ROBO1: variants seen among roughly 807,000 people sequenced by gnomAD.
ROBO1 encodes roundabout homolog 1.
In ROBO1, 149 loss-of-function variants were observed where a neutral mutation model predicts 195.9. The ratio of observed to expected loss-of-function variants is 0.76; its 90% CI spans 0.67 to 0.87. The LOEUF is 0.87. Among genes scored for constraint, ROBO1 ranks in the 40% least tolerant of loss-of-function variants. The pLI is 0.00. For missense variants in ROBO1, 1,933 were observed against 2,068.3 expected, an observed-to-expected ratio of 0.93 and a Z score of 1.27; for synonymous variants, 816 against 733.2, an observed-to-expected ratio of 1.11 and a Z score of -1.82.
chr3:79,268,790 G>A (rs770342920), intron 2 of ROBO1, among the ~76,000 whole-genome samples: 34 of 151,738 alleles, frequency 2.2e-4, no homozygotes, highest in Non-Finnish European at 4.0e-4. Context: ...CTTGCAGGAG[G>A]ATTTGGATTG....
At chr3:78,994,125 A>G (rs1304467955) in intron 3 of ROBO1, among the ~76,000 whole-genome samples, 1 of 152,188 alleles carries the variant, frequency 6.6e-6, no homozygotes, top group Non-Finnish European at 1.5e-5. Flanking sequence ...TCTGCCTTTA[A>G]GATCAATATA....
At chr3:79,238,809 T>C (rs2108872950) in intron 2 of ROBO1, among the ~76,000 whole-genome samples, 1 of 152,346 alleles carries the variant, frequency 6.6e-6, no homozygotes, top group South Asian at 2.1e-4. Flanking sequence ...CTCAAAGTTG[T>C]TTCTCTTTCC....
At chr3:78,855,781 A>G (rs190724961) in intron 4 of ROBO1, among the ~76,000 whole-genome samples, 1 of 152,140 alleles carries the variant, frequency 6.6e-6, no homozygotes, top group Non-Finnish European at 1.5e-5. Context: ...AGAAAAAAAA[A>G]TTGCTTTAAA....
intron 2 of ROBO1, among the ~76,000 whole-genome samples, chr3:79,578,503 CT>C (rs1943564197): frequency 6.6e-6 from 1 of 152,082 alleles, no homozygotes; most frequent in Non-Finnish European, 1.5e-5. Context: ...GACAAATCTC[CT>C]GTCTGTATAT....
chr3:79,095,444 A>C (rs775750866), intron 3 of ROBO1, among the ~76,000 whole-genome samples: 1 of 151,974 alleles, frequency 6.6e-6, no homozygotes, highest in Non-Finnish European at 1.5e-5. Flanking sequence ...GTTTCAAAAA[A>C]CTGAGACGAC....
chr3:78,778,558 T>G (rs188629248), intron 4 of ROBO1, among the ~76,000 whole-genome samples: 5 of 152,214 alleles, frequency 3.3e-5, no homozygotes, highest in Admixed American at 3.3e-4. Flanking sequence ...GAATACAACT[T>G]ACAAGGGACA....
At chr3:79,577,108 G>A (rs966188174) in intron 2 of ROBO1, among the ~76,000 whole-genome samples, 1 of 145,408 alleles carries the variant, frequency 6.9e-6, no homozygotes, top group Non-Finnish European at 1.5e-5. Flanking sequence ...ACTGAATTTT[G>A]TGATTACACA....
At chr3:78,717,966 G>A (rs181844205) in intron 5 of ROBO1, 83 bp from the exon 6 acceptor site, 25 of 1,296,698 alleles carry the variant, frequency 1.9e-5, no homozygotes, top group East Asian at 2.4e-5. Flanking sequence ...AGTGAAGACT[G>A]CTTTCTAAGC....
At chr3:78,791,827 A>T (rs1360394314) in intron 4 of ROBO1, among the ~76,000 whole-genome samples, 1 of 152,226 alleles carries the variant, frequency 6.6e-6, no homozygotes, top group African/African-American at 2.4e-5. Context: ...TGTAATTATG[A>T]TAATCATCGA....
At chr3:79,310,069 G>A (rs1182434123) in intron 2 of ROBO1, among the ~76,000 whole-genome samples, 1 of 152,052 alleles carries the variant, frequency 6.6e-6, no homozygotes, top group African/African-American at 2.4e-5. Flanking sequence ...ACCCAAACAG[G>A]CCTTGTCTTA....
intron 2 of ROBO1, among the ~76,000 whole-genome samples, chr3:79,533,383 G>GATATGAAT (rs1018838323): frequency 4.6e-5 from 7 of 152,194 alleles, no homozygotes; most frequent in Admixed American, 2.0e-4. Flanking sequence ...GACCTGATGG[G>GATATGAAT]ATATGAATAT....
At chr3:79,104,663 T>G (rs116189271) in intron 3 of ROBO1, among the ~76,000 whole-genome samples, 108 of 151,854 alleles carry the variant, frequency 7.1e-4, no homozygotes, top group African/African-American at 2.6e-3. Flanking sequence ...GTACTATTCA[T>G]ATCATCCTGA....
chr3:79,123,950 T>C (rs1410065518), intron 3 of ROBO1, among the ~76,000 whole-genome samples: 1 of 152,092 alleles, frequency 6.6e-6, no homozygotes, highest in South Asian at 2.1e-4. Flanking sequence ...TACATAATTT[T>C]TGGGAAATCC....
At chr3:79,493,359 T>C (rs1341889091) in intron 2 of ROBO1, among the ~76,000 whole-genome samples, 1 of 151,922 alleles carries the variant, frequency 6.6e-6, no homozygotes, top group Non-Finnish European at 1.5e-5. Context: ...CTATGGTGGA[T>C]GTATCCATAA....
Position 78,717,360 on chromosome 3 carries a change from T to G in ROBO1, c.832A>C (p.Ser278Arg). ...CGGGCCTCACATTTAAATTCTGCAC[T>G]GTCATCCACAGTTACTGCCAAGTTA... ...PSNLAVTVDD[S>R]AEFKCEARGD... Residue 278 changes from serine to arginine, a missense_variant, in exon 7 of 31, where the codon AGT becomes CGT. By Grantham distance (110) the Ser-to-Arg change is moderately radical. Around this residue, in one of 3 missense-constraint regions of ROBO1, gnomAD observed 1,737 missense variants for 1,882.5 expected, o/e 0.92. Transcript: ENST00000464233. 6.2e-7 allele frequency: 1 copy of G among 1,613,482 alleles called. No homozygotes were observed. Among genetic ancestry groups the G allele is most frequent in the South Asian group, 1.1e-5 (1 of 91,044 alleles).
chr3:79,248,396 A>AAAG (rs2082663720), intron 2 of ROBO1, among the ~76,000 whole-genome samples: 1 of 149,984 alleles, frequency 6.7e-6, no homozygotes, highest in African/African-American at 2.4e-5. Flanking sequence ...AAAAAAAAAA[A>AAAG]AGAGAGAGAG....
chr3:78,625,610 G>A (rs1053099297), intron 26 of ROBO1, among the ~76,000 whole-genome samples: 3 of 152,128 alleles, frequency 2.0e-5, no homozygotes, highest in Admixed American at 1.3e-4. Context: ...GCGTAAAGGC[G>A]AGGGCTGTAG....
chr3:78,632,266 T>C (rs1216373762), intron 24 of ROBO1, among the ~76,000 whole-genome samples: 1 of 152,200 alleles, frequency 6.6e-6, no homozygotes, highest in African/African-American at 2.4e-5. Flanking sequence ...TCATATTCAA[T>C]GAGCCTTGAT....
chr3:79,019,293 T>A (rs1383396263), intron 3 of ROBO1: 2 of 985,564 alleles, frequency 2.0e-6, no homozygotes, highest in African/African-American at 3.5e-5. Context: ...CCCTGGCTCG[T>A]GGAAGCTGTA....
Sources: gnomAD v4.1 joint callset for allele counts (sites outside exome capture counted in the v4.1 genomes callset) on GRCh38, gnomAD v4.1.1 for gene constraint, gnomAD v4.1.1 regional missense constraint, MANE v1.5 for transcripts, NCBI Gene and HGNC (gene_info 2026-07-23, HGNC 2026-07-21) for gene names.